Variants in ZNF385D observed in about 807,000 individuals in gnomAD.
ZNF385D encodes zinc finger protein 385D.
Under a neutral mutation model 35.8 loss-of-function variants are expected in ZNF385D, and 15 were observed. The ratio of observed to expected loss-of-function variants is 0.42; its 90% CI spans 0.28 to 0.64. The LOEUF is 0.64. ZNF385D is among the 30% of genes least tolerant of loss of function. The pLI, the probability that ZNF385D is intolerant of heterozygous loss-of-function variation, is 0.23. For missense variants in ZNF385D, 474 were observed against 494.6 expected (o/e 0.96, Z 0.39); for synonymous variants, 212 against 186.8 (o/e 1.13, Z -1.10).
At chr3:22,270,612 A>G (rs950313947) in intron 2 of ZNF385D, among the ~76,000 whole-genome samples, 15 of 151,972 alleles carry the variant, frequency 9.9e-5, no homozygotes, top group Non-Finnish European at 1.9e-4. Flanking sequence ...TTCTGTTGCT[A>G]TGTTGTAAGA....
intron 2 of ZNF385D, among the ~76,000 whole-genome samples, chr3:22,366,884 G>A (rs760756777): frequency 6.6e-6 from 1 of 152,132 alleles, no homozygotes; most frequent in Non-Finnish European, 1.5e-5. Context: ...GAAGACAAAG[G>A]CCGAGATTGG....
rs147804671 is a variant in ZNF385D at position 22,229,232 on chromosome 3, G to T, written c.107-60197C>A. 3.3e-3 allele frequency among the ~76,000 whole-genome samples: 495 copies of T among 152,188 alleles called. 7 individuals carry two copies. Among genetic ancestry groups the T allele is most frequent in the African/African-American group, 0.011 (474 of 41,518 alleles). ...TTTTCAGTCCTAAAACATTTTACTT[G>T]CAGTATTATGTTTGCTTTTGACTTT... On this transcript the variant is annotated intron_variant, in intron 2 of 5. Coordinates refer to the ZNF385D transcript ENST00000494108.
intron 3 of ZNF385D, among the ~76,000 whole-genome samples, chr3:21,909,841 A>G (rs1231493771): frequency 6.6e-6 from 1 of 152,066 alleles, no homozygotes; most frequent in Non-Finnish European, 1.5e-5. Flanking sequence ...ATGAGAATAC[A>G]TGGGACAACT....
chr3:22,184,890 G>A (rs908318726), intron 2 of ZNF385D, among the ~76,000 whole-genome samples: 1 of 152,056 alleles, frequency 6.6e-6, no homozygotes, highest in Non-Finnish European at 1.5e-5. Context: ...TGGCTCCATA[G>A]ATACCTGTTT....
At chr3:21,743,930 A>G (rs2069638850) in intron 1 of ZNF385D, among the ~76,000 whole-genome samples, 2 of 152,246 alleles carry the variant, frequency 1.3e-5, no homozygotes, top group South Asian at 4.1e-4. Context: ...TCAAAACACA[A>G]ACGCATATTG....
At chr3:21,978,360 G>A (rs1361002563) in intron 3 of ZNF385D, 1 of 152,132 alleles carries the variant, frequency 6.6e-6, no homozygotes, top group African/African-American at 2.4e-5. Context: ...TTTAAATTAA[G>A]GCCAATATTG....
intron 3 of ZNF385D, among the ~76,000 whole-genome samples, chr3:21,988,775 C>A (rs558566901): frequency 6.6e-6 from 1 of 152,050 alleles, no homozygotes; most frequent in African/African-American, 2.4e-5. Flanking sequence ...AGCCTCGCTG[C>A]CGCTTTGCAG....
At chr3:22,081,847 A>T (rs1025716610) in intron 3 of ZNF385D, among the ~76,000 whole-genome samples, 32 of 152,152 alleles carry the variant, frequency 2.1e-4, no homozygotes, top group Admixed American at 2.1e-3. Flanking sequence ...TTGTGTATGA[A>T]TTCACTGAAA....
At chr3:21,975,161 C>A (rs1390266878) in intron 3 of ZNF385D, among the ~76,000 whole-genome samples, 2 of 152,134 alleles carry the variant, frequency 1.3e-5, no homozygotes, top group Non-Finnish European at 2.9e-5. Context: ...TTGGAAGCAA[C>A]CTAAGTGTCT....
chr3:21,882,417 G>A (rs1362201529), intron 3 of ZNF385D, among the ~76,000 whole-genome samples: 1 of 96,360 alleles, frequency 1.0e-5, no homozygotes, highest in Non-Finnish European at 2.1e-5. Flanking sequence ...TTTAAATTGA[G>A]ATATAAAACA....
At chr3:22,327,349 C>T (rs1694726241) in intron 2 of ZNF385D, among the ~76,000 whole-genome samples, 1 of 151,596 alleles carries the variant, frequency 6.6e-6, no homozygotes, top group African/African-American at 2.4e-5. Context: ...AATTAAACTA[C>T]AAGTAGAAAA....
intron 3 of ZNF385D, among the ~76,000 whole-genome samples, chr3:21,547,320 T>C (rs964579391): frequency 6.6e-6 from 1 of 152,198 alleles, no homozygotes; most frequent in Admixed American, 6.5e-5. Flanking sequence ...TCCCTCTCCC[T>C]GTGCAAACTG....
At chr3:21,737,453 A>T (rs961378225) in intron 1 of ZNF385D, among the ~76,000 whole-genome samples, 16 of 118,860 alleles carry the variant, frequency 1.3e-4, no homozygotes, top group African/African-American at 4.7e-4. Context: ...TATAAACAAG[A>T]GGGGGATATA....
chr3:21,708,586 C>T (rs1278508426), intron 1 of ZNF385D, among the ~76,000 whole-genome samples: 2 of 152,076 alleles, frequency 1.3e-5, no homozygotes, highest in African/African-American at 2.4e-5. Flanking sequence ...TACTCTATTA[C>T]ATTACTAAAT....
chr3:22,277,687 A>C (rs1701498493), intron 2 of ZNF385D, among the ~76,000 whole-genome samples: 1 of 152,152 alleles, frequency 6.6e-6, no homozygotes, highest in South Asian at 2.1e-4. Flanking sequence ...AATGTTTTTT[A>C]CAATTATTAG....
Position 21,611,099 on chromosome 3 carries a change from A to G in ZNF385D, c.166-46415T>C, listed in dbSNP as rs142735777. Among the ~76,000 whole-genome samples the G allele has an allele frequency of 4.2e-3, 644 of 152,332 alleles. 4 individuals carry two copies. Among genetic ancestry groups the G allele is most frequent in the African/African-American group, 0.013 (559 of 41,570 alleles). ...AGAATCTCCATGCATGTCTGTTACA[A>G]TCTTATGTGGCATAATCACATACAT... is the stretch of plus-strand genomic sequence containing the variant. On this transcript the variant is annotated intron_variant, in intron 2 of 7. Transcript: ENST00000281523.
chr3:21,689,704 C>T (rs1189646228), intron 1 of ZNF385D, among the ~76,000 whole-genome samples: 1 of 152,072 alleles, frequency 6.6e-6, no homozygotes, highest in Non-Finnish European at 1.5e-5. Context: ...GATTCTCAGA[C>T]ATCATCAGAA....
At chr3:22,144,762 A>G (rs1308346405) in intron 3 of ZNF385D, among the ~76,000 whole-genome samples, 4 of 152,020 alleles carry the variant, frequency 2.6e-5, no homozygotes, top group Non-Finnish European at 5.9e-5. Flanking sequence ...GTTCATATTC[A>G]CAACAATTAT....
intron 3 of ZNF385D, among the ~76,000 whole-genome samples, chr3:21,937,068 G>A (rs1008778100): frequency 1.3e-5 from 2 of 152,102 alleles, no homozygotes; most frequent in African/African-American, 4.8e-5. Flanking sequence ...TGCATTACTA[G>A]TAATAGAAGT....
Sources: gnomAD v4.1 joint callset for allele counts (sites outside exome capture counted in the v4.1 genomes callset) on GRCh38, gnomAD v4.1.1 for gene constraint, MANE v1.5 for transcripts, NCBI Gene and HGNC (gene_info 2026-07-23, HGNC 2026-07-21) for gene names.